Variants in FER observed in about 807,000 individuals in gnomAD.
FER encodes the protein FER tyrosine kinase.
A neutral mutation model predicts 111.0 loss-of-function variants in FER; 63 were observed. The ratio of observed to expected loss-of-function variants is 0.57; its 90% CI spans 0.46 to 0.70. FER has a LOEUF of 0.70. FER is among the 30% of genes least tolerant of loss of function. FER has a pLI of 0.00. For synonymous variants in FER, 327 were observed against 313.9 expected (o/e 1.04, Z -0.44); for missense variants, 914 against 954.0 (o/e 0.96, Z 0.55).
At chr5:108,825,700 A>T (rs1561474713) in intron 3 of FER, among the ~76,000 whole-genome samples, 1 of 152,330 alleles carries the variant, frequency 6.6e-6, no homozygotes, top group East Asian at 1.9e-4. Flanking sequence ...TGTCCATGAA[A>T]TCTTTACAAT....
intron 13 of FER, among the ~76,000 whole-genome samples, chr5:109,026,312 G>T (rs888478243): frequency 1.3e-5 from 2 of 152,144 alleles, no homozygotes; most frequent in Non-Finnish European, 2.9e-5. Flanking sequence ...CATTTGGGAA[G>T]AAAGTACTTT....
chr5:108,841,563 A>T (rs1761270555), intron 5 of FER, among the ~76,000 whole-genome samples: 2 of 152,302 alleles, frequency 1.3e-5, no homozygotes, highest in Non-Finnish European at 2.9e-5. Context: ...GTTTGCCATG[A>T]TGTGCCTTAA....
At chr5:109,041,773 A>G (rs1581763581) in intron 14 of FER, among the ~76,000 whole-genome samples, 2 of 152,304 alleles carry the variant, frequency 1.3e-5, no homozygotes, top group South Asian at 4.1e-4. Context: ...TGGAGTGAGG[A>G]ATAGTGGGTA....
intron 2 of FER, among the ~76,000 whole-genome samples, chr5:108,791,575 G>GATATATATATATATACATATATATGAT (rs58660662): frequency 4.7e-5 from 7 of 147,532 alleles, no homozygotes; most frequent in South Asian, 2.1e-4. Context: ...ACATATATAT[G>GATATATATATATATACATATATATGAT]ATATATATAT....
At chr5:108,763,158 G>GA (rs149462887) in intron 1 of FER, among the ~76,000 whole-genome samples, 2,607 of 148,962 alleles carry the variant, frequency 0.018, 58 homozygotes, top group African/African-American at 0.06. Flanking sequence ...TAATAAATAA[G>GA]AAAAAAAAAA....
intron 16 of FER, among the ~76,000 whole-genome samples, chr5:109,047,576 C>T (rs945762317): frequency 6.6e-5 from 10 of 152,062 alleles, no homozygotes; most frequent in African/African-American, 2.4e-4. Flanking sequence ...TCCACACAAC[C>T]TCTCTTCTAA....
intron 17 of FER, among the ~76,000 whole-genome samples, chr5:109,156,507 G>A (rs1261793717): frequency 6.6e-6 from 1 of 151,884 alleles, no homozygotes; most frequent in Non-Finnish European, 1.5e-5. Context: ...GGAATTTAGG[G>A]CAGAGATCTA....
chr5:109,017,799 A>T (rs1326001698), intron 13 of FER, among the ~76,000 whole-genome samples: 1 of 151,906 alleles, frequency 6.6e-6, no homozygotes, highest in African/African-American at 2.4e-5. Context: ...TACTTAAATG[A>T]CCATTATCCA....
intron 5 of FER, among the ~76,000 whole-genome samples, chr5:108,845,013 T>TAC (rs1761786634): frequency 5.2e-5 from 3 of 57,212 alleles, no homozygotes; most frequent in South Asian, 6.2e-4. Flanking sequence ...TATATATATA[T>TAC]ATATATATAT....
At chr5:108,788,587 T>G (rs1439548447) in intron 2 of FER, among the ~76,000 whole-genome samples, 2 of 152,060 alleles carry the variant, frequency 1.3e-5, no homozygotes, top group African/African-American at 4.8e-5. Context: ...CCCTGTTATC[T>G]TTTTGCTTAC....
At chr5:109,128,613 G>C (rs554299003) in intron 17 of FER, among the ~76,000 whole-genome samples, 1 of 152,246 alleles carries the variant, frequency 6.6e-6, no homozygotes, top group South Asian at 2.1e-4. Context: ...TAGCAATGCA[G>C]AATGGGGATT....
chr5:109,099,975 C>CT (rs1394853909), intron 16 of FER, among the ~76,000 whole-genome samples: 4 of 151,620 alleles, frequency 2.6e-5, no homozygotes, highest in South Asian at 2.1e-4. Flanking sequence ...ATATAATTTA[C>CT]TTTTTTGTAA....
At chr5:108,906,048 A>T (rs561541188) in intron 10 of FER, among the ~76,000 whole-genome samples, 1 of 152,248 alleles carries the variant, frequency 6.6e-6, no homozygotes, top group Non-Finnish European at 1.5e-5. Context: ...CTCACCACTT[A>T]AGTAAGTGCA....
chr5:109,022,392 G>T (rs887569098), intron 13 of FER, among the ~76,000 whole-genome samples: 1 of 152,130 alleles, frequency 6.6e-6, no homozygotes, highest in Non-Finnish European at 1.5e-5. Context: ...GGAATGGGAA[G>T]AGAGACAAGT....
intron 10 of FER, among the ~76,000 whole-genome samples, chr5:108,923,479 C>T (rs1269744802): frequency 6.6e-6 from 1 of 151,830 alleles, no homozygotes; most frequent in Non-Finnish European, 1.5e-5. Flanking sequence ...TTCTATTTTT[C>T]TTATTTGGTT....
At chr5:108,975,613 T>C (rs185585796) in intron 13 of FER, among the ~76,000 whole-genome samples, 88 of 152,224 alleles carry the variant, frequency 5.8e-4, no homozygotes, top group African/African-American at 1.9e-3. Context: ...ATGATCAGAT[T>C]TGTATTTTCT....
At chr5:109,038,954 C>T (rs1054222083) in intron 14 of FER, among the ~76,000 whole-genome samples, 2 of 151,962 alleles carry the variant, frequency 1.3e-5, no homozygotes, top group South Asian at 2.1e-4. Context: ...TTTTTCTCAA[C>T]GACAAGTAAT....
At chr5:108,777,903 T>G (rs1407196798) in intron 2 of FER, among the ~76,000 whole-genome samples, 1 of 152,152 alleles carries the variant, frequency 6.6e-6, no homozygotes, top group Non-Finnish European at 1.5e-5. Context: ...ACCCCCATGA[T>G]TCAGTCATCT....
chr5:109,059,245 T>C (rs1774060135), intron 16 of FER, among the ~76,000 whole-genome samples: 1 of 152,036 alleles, frequency 6.6e-6, no homozygotes, highest in African/African-American at 2.4e-5. Flanking sequence ...ATCAAAACCT[T>C]ATAAATACAT....
Sources: allele counts gnomAD v4.1 joint callset (sites outside exome capture counted in the v4.1 genomes callset), GRCh38; gene constraint gnomAD v4.1.1; transcripts MANE v1.5; gene names NCBI Gene and HGNC (gene_info 2026-07-23, HGNC 2026-07-21).